The following VPS53 variants were observed in gnomAD, a reference collection of about 807,000 sequenced individuals.
The protein encoded by VPS53 is vacuolar protein sorting-associated protein 53 homolog.
A neutral mutation model predicts 107.0 loss-of-function variants in VPS53; 70 were observed. That is an observed-to-expected ratio of 0.65 (90% CI 0.54 to 0.80). VPS53 has a LOEUF of 0.80. Ranked by LOEUF, VPS53 falls within the 30% of genes least tolerant of loss-of-function variation. The pLI is 0.00. For synonymous variants in VPS53, 409 were observed against 393.3 expected (o/e 1.04, Z -0.47); for missense variants, 917 against 1,049.4 (o/e 0.87, Z 1.74).
intron 11 of VPS53, among the ~76,000 whole-genome samples, chr17:604,513 A>G (rs1968475657): frequency 6.6e-6 from 1 of 152,180 alleles, no homozygotes; most frequent in African/African-American, 2.4e-5. Flanking sequence ...AGCACAGGCC[A>G]CTCGCTCAGT....
At chr17:626,356 G>A (rs1043401451) in intron 10 of VPS53, among the ~76,000 whole-genome samples, 5 of 152,108 alleles carry the variant, frequency 3.3e-5, no homozygotes, top group South Asian at 4.1e-4. Flanking sequence ...AACAAAAGAC[G>A]GTCTTTAAAA....
At chr17:595,941 C>A (rs1967949888) in intron 12 of VPS53, among the ~76,000 whole-genome samples, 1 of 143,540 alleles carries the variant, frequency 7.0e-6, no homozygotes, top group South Asian at 2.3e-4. Flanking sequence ...GATCAATTTC[C>A]TCGTTTGATG....
chr17:690,988 C>A (rs966542282), intron 4 of VPS53, among the ~76,000 whole-genome samples: 11 of 152,116 alleles, frequency 7.2e-5, no homozygotes, highest in African/African-American at 2.7e-4. Flanking sequence ...TGAGCTCGGC[C>A]CAGAACAAAG....
chr17:521,790 G>T, intron 19 of VPS53, 52 bp from the exon 20 acceptor site: 1 of 1,411,848 alleles, frequency 7.1e-7, no homozygotes, highest in South Asian at 1.6e-5. Flanking sequence ...ACCCAGTGCC[G>T]AGTGGACTCA....
In VPS53 at chr17:534,917, CA is replaced by C. The variant is rs11376185; in HGVS notation, c.2016-2007del. On this transcript the variant is annotated intron_variant, in intron 18 of 21. Coordinates refer to ENST00000437048, the MANE Select transcript of VPS53 (RefSeq NM_001128159.3). ...TGGGTAACAGAGTGGGACCCTGTAT[CA>C]AAAAAAAAAAAAAAAACCTTTGGCT... Among the ~76,000 whole-genome samples, 328 of 121,826 alleles carry C rather than the reference CA, an allele frequency of 2.7e-3. 1 individual carries two copies. The highest frequency in any genetic ancestry group is 0.011 in the South Asian group (41 of 3,866). 79.9% of individuals were successfully genotyped at this position (121,826 alleles called of 152,430 possible).
At chr17:657,428 C>T in intron 5 of VPS53, 1 of 888,864 alleles carries the variant, frequency 1.1e-6, no homozygotes, top group Non-Finnish European at 1.9e-6. Flanking sequence ...GGGGAAGACA[C>T]TCTCTCAACT....
chr17:671,686 T>C (rs1011286726), intron 4 of VPS53, among the ~76,000 whole-genome samples: 12 of 151,822 alleles, frequency 7.9e-5, no homozygotes, highest in African/African-American at 2.9e-4. Flanking sequence ...CAGGCCCTCG[T>C]TGGAGCAGTT....
chr17:702,707 A>G (rs561469781), intron 2 of VPS53, among the ~76,000 whole-genome samples: 1 of 152,294 alleles, frequency 6.6e-6, no homozygotes, highest in South Asian at 2.1e-4. Context: ...TCCTAAAGTT[A>G]CACTATTTGA....
At chr17:680,785 G>A (rs377123714) in intron 4 of VPS53, among the ~76,000 whole-genome samples, 11 of 152,192 alleles carry the variant, frequency 7.2e-5, no homozygotes, top group African/African-American at 2.4e-4. Context: ...TATGTACTGA[G>A]TGAGCAAATG....
At chr17:671,838 G>A (rs429249) in intron 4 of VPS53, among the ~76,000 whole-genome samples, 58,618 of 151,354 alleles carry the variant, frequency 0.39, 13,509 homozygotes, top group Non-Finnish European at 0.52. Context: ...ACAGGCACCC[G>A]CCACCACACC....
intron 13 of VPS53, among the ~76,000 whole-genome samples, chr17:568,149 C>T (rs1189064236): frequency 6.6e-6 from 1 of 152,150 alleles, no homozygotes; most frequent in African/African-American, 2.4e-5. Context: ...GAATGTCAAG[C>T]AGTGAGGCAC....
intron 13 of VPS53, among the ~76,000 whole-genome samples, chr17:574,707 G>C (rs1914454278): frequency 6.6e-6 from 1 of 152,164 alleles, no homozygotes; most frequent in Non-Finnish European, 1.5e-5. Flanking sequence ...TGAGGCTACA[G>C]TGAGTCCTGA....
chr17:614,516 C>T (rs1969045569), intron 11 of VPS53, among the ~76,000 whole-genome samples: 1 of 152,148 alleles, frequency 6.6e-6, no homozygotes, highest in South Asian at 2.1e-4. Flanking sequence ...TGGAAGAATA[C>T]ATTTCTTTAG....
Position 517,292 on chromosome 17 carries a change from G to A in VPS53, c.*1836C>T, listed in dbSNP as rs1597234851. On this transcript the variant is annotated 3_prime_UTR_variant, in exon 22 of 22. Coordinates refer to ENST00000437048, the MANE Select transcript of VPS53 (RefSeq NM_001128159.3). Reference sequence around the variant, plus strand: ...AATTTGAGACGCTTGATGCGTGAGAGTCAAACCAGCTAGCAAGGACAGCCT... The same window carrying A: ...AATTTGAGACGCTTGATGCGTGAGAATCAAACCAGCTAGCAAGGACAGCCT... 2.5e-6 allele frequency: 1 copy of A among 395,580 alleles called. No individual in the cohort carries two copies. 24.5% of individuals were successfully genotyped at this position (395,580 alleles called of 1,614,324 possible).
chr17:637,753 C>T (rs765333855), intron 7 of VPS53, among the ~76,000 whole-genome samples: 9 of 152,200 alleles, frequency 5.9e-5, no homozygotes, highest in Non-Finnish European at 8.8e-5. Context: ...ACCCTGAGCT[C>T]TAGTTTGATT....
intron 4 of VPS53, among the ~76,000 whole-genome samples, chr17:687,703 A>C (rs1972638908): frequency 6.6e-6 from 1 of 152,154 alleles, no homozygotes; most frequent in South Asian, 2.1e-4. Context: ...GCACCACTCC[A>C]CTCTAGCCTG....
intron 7 of VPS53, among the ~76,000 whole-genome samples, chr17:637,015 T>C (rs907273512): frequency 2.0e-5 from 3 of 152,256 alleles, no homozygotes; most frequent in African/African-American, 7.2e-5. Flanking sequence ...CTTGTACCTC[T>C]GGTAGAATTC....
At chr17:712,841 C>T (rs1374823311) in intron 1 of VPS53, among the ~76,000 whole-genome samples, 1 of 152,170 alleles carries the variant, frequency 6.6e-6, no homozygotes, top group Non-Finnish European at 1.5e-5. Flanking sequence ...TACCTGTCAA[C>T]CAAACAGTAA....
chr17:634,194 G>A (rs976330743), intron 7 of VPS53, among the ~76,000 whole-genome samples: 4 of 151,120 alleles, frequency 2.6e-5, no homozygotes, highest in Admixed American at 6.6e-5. Context: ...GCAGAAAGGA[G>A]AGCCTCTGGC....
Sources: allele counts gnomAD v4.1 joint callset (sites outside exome capture counted in the v4.1 genomes callset), GRCh38; gene constraint gnomAD v4.1.1; transcripts MANE v1.5; gene names NCBI Gene and HGNC (gene_info 2026-07-23, HGNC 2026-07-21).